Variants in MTMR3 observed in about 807,000 individuals in gnomAD.
MTMR3 encodes phosphatidylinositol-3,5-bisphosphate 3-phosphatase MTMR3.
In MTMR3, 32 loss-of-function variants were observed where a neutral mutation model predicts 132.4. The observed-to-expected ratio is 0.24, with a 90% CI of 0.18 to 0.32. The LOEUF (loss-of-function observed/expected upper bound fraction) is 0.32. Among genes scored for constraint, MTMR3 ranks in the 10% least tolerant of loss-of-function variants. The probability of loss-of-function intolerance (pLI) is 1.00; values close to 1 mark genes in which losing one functional copy is unlikely to be tolerated. For synonymous variants in MTMR3, 556 were observed against 550.3 expected, an observed-to-expected ratio of 1.01 and a Z score of -0.14; for missense variants, 1,216 against 1,489.6, an observed-to-expected ratio of 0.82 and a Z score of 3.02.
chr22:30,005,638 T>TA (rs1389122565), intron 9 of MTMR3: 7 of 152,202 alleles, frequency 4.6e-5, no homozygotes, highest in African/African-American at 9.7e-5. Context: ...CACAAGTACT[T>TA]ACAGCTACTT....
chr22:29,991,462 C>T, intron 6 of MTMR3, 42 bp from the exon 7 acceptor site: 1 of 1,533,940 alleles, frequency 6.5e-7, no homozygotes, highest in Non-Finnish European at 8.8e-7. Context: ...TTCATTTCAA[C>T]TGTCTTCTGA....
chr22:29,889,427 C>T (rs1386781520), intron 1 of MTMR3, among the ~76,000 whole-genome samples: 1 of 151,666 alleles, frequency 6.6e-6, no homozygotes, highest in Non-Finnish European at 1.5e-5. Context: ...GTTGGGATTA[C>T]AGGTACCTGC....
chr22:29,903,932 G>T (rs1193603027), intron 1 of MTMR3, among the ~76,000 whole-genome samples: 1 of 152,064 alleles, frequency 6.6e-6, no homozygotes, highest in Non-Finnish European at 1.5e-5. Flanking sequence ...TATTTTTGGT[G>T]AACAGGTATC....
intron 16 of MTMR3, chr22:30,018,916 T>C (rs1388308773): frequency 6.6e-6 from 1 of 150,460 alleles, no homozygotes; most frequent in African/African-American, 2.4e-5. Context: ...GGAAATAGCA[T>C]TTGCAGGCCG....
At chr22:29,954,059 C>CTTTTTTTTTTT (rs59781649) in intron 1 of MTMR3, among the ~76,000 whole-genome samples, 17 of 79,434 alleles carry the variant, frequency 2.1e-4, no homozygotes, top group Non-Finnish European at 2.4e-4. Flanking sequence ...TCAAATGAGT[C>CTTTTTTTTTTT]TTTTTTTTTT....
At chr22:29,972,702 C>G (rs1158001356) in intron 3 of MTMR3, among the ~76,000 whole-genome samples, 3 of 152,144 alleles carry the variant, frequency 2.0e-5, no homozygotes. Flanking sequence ...TCTCAAGTAG[C>G]TAGAATTACA....
At chr22:29,978,318 C>T in intron 3 of MTMR3, 124 bp from the exon 4 acceptor site, 1 of 639,688 alleles carries the variant, frequency 1.6e-6, no homozygotes, top group Non-Finnish European at 2.7e-6. Flanking sequence ...TTTCCTTGAG[C>T]TTTTCTGCCT....
chr22:30,027,298 C>G lies in MTMR3; in HGVS notation c.*1497C>G, dbSNP rs2067929409. ...TCTGGCCCTGCCCTGTATTCCTCTT[C>G]CCCTTGGTAGCAGTTCCCTGACCAA... is the stretch of plus-strand genomic sequence containing the variant. On this transcript the variant is annotated 3_prime_UTR_variant, in exon 20 of 20. Coordinates refer to ENST00000401950, the MANE Select transcript of MTMR3 (RefSeq NM_021090.4). The G allele has an allele frequency of 6.5e-6, 1 of 152,782 alleles. No individual in the cohort carries two copies. Among genetic ancestry groups the G allele is most frequent in the Non-Finnish European group, 1.5e-5 (1 of 68,074 alleles). 9.5% of individuals were successfully genotyped at this position (152,782 alleles called of 1,614,324 possible). A position where few individuals can be genotyped will look rare whatever the true frequency, so the allele number is the denominator to read the frequency against.
At position 30,025,804 on chromosome 22, in the gene MTMR3, C is replaced by T; in HGVS notation, c.*3C>T. ...CCATTGCTGCCACTTCCAACTGAAG[C>T]TCAGTGACCTGGGTGGGCAGTGGCC... On this transcript the variant is annotated 3_prime_UTR_variant, in exon 20 of 20. Transcript: ENST00000401950. 2 of 1,613,842 alleles carry T rather than the reference C, an allele frequency of 1.2e-6. No individual in the cohort carries two copies. Among genetic ancestry groups the T allele is most frequent in the Non-Finnish European group, 1.7e-6 (2 of 1,180,004 alleles).
At chr22:29,931,131 CTATT>C (rs1175048972) in intron 1 of MTMR3, among the ~76,000 whole-genome samples, 2 of 151,664 alleles carry the variant, frequency 1.3e-5, no homozygotes, top group Non-Finnish European at 2.9e-5. Context: ...CTTTATGTCA[CTATT>C]TAATAAGTAA....
At position 30,026,162 on chromosome 22, in the gene MTMR3, T is replaced by C; in HGVS notation, c.*361T>C. 1 of 238,240 alleles carries C rather than the reference T, an allele frequency of 4.2e-6. No homozygotes were observed. The highest frequency in any genetic ancestry group is 8.3e-6 in the Non-Finnish European group (1 of 120,784). The allele number at this position is 238,240 out of a possible 1,614,324, so 14.8% of individuals were successfully genotyped here. ...TTGTTTCTTCCGGGTGGGAGGATGG[T>C]GGTCAGAGCCAGGAGTATGGAGATC... On this transcript the variant is annotated 3_prime_UTR_variant, in exon 20 of 20. Transcript: ENST00000401950.
At chr22:29,975,150 G>GA (rs2066606477) in intron 3 of MTMR3, among the ~76,000 whole-genome samples, 1 of 152,192 alleles carries the variant, frequency 6.6e-6, no homozygotes, top group Non-Finnish European at 1.5e-5. Context: ...AAGCAGCTCT[G>GA]ATGGTTTCCA....
chr22:30,025,298 C>T (rs915779513), intron 19 of MTMR3: 1 of 291,070 alleles, frequency 3.4e-6, no homozygotes, highest in Non-Finnish European at 6.7e-6. Context: ...ACTGGGTTTT[C>T]CTGGATCAGG....
chr22:29,997,810 C>T (rs1320552255), intron 7 of MTMR3: 1 of 152,206 alleles, frequency 6.6e-6, no homozygotes, highest in African/African-American at 2.4e-5. Flanking sequence ...TCTGAGCTGA[C>T]ATGAGGCTAT....
intron 9 of MTMR3, chr22:30,005,979 A>G (rs1371227099): frequency 6.6e-6 from 1 of 152,354 alleles, no homozygotes; most frequent in East Asian, 1.9e-4. Context: ...GCAGAAATCT[A>G]CTTCCATCTT....
intron 1 of MTMR3, among the ~76,000 whole-genome samples, chr22:29,926,383 G>A (rs2065517865): frequency 6.6e-6 from 1 of 152,132 alleles, no homozygotes; most frequent in South Asian, 2.1e-4. Flanking sequence ...CACGTTTTCA[G>A]TTTTCTTGGG....
At chr22:29,954,264 T>A (rs2066145086) in intron 1 of MTMR3, among the ~76,000 whole-genome samples, 1 of 151,688 alleles carries the variant, frequency 6.6e-6, no homozygotes, top group Admixed American at 6.6e-5. Flanking sequence ...AAATTTTATT[T>A]TATTTTATTT....
intron 6 of MTMR3, 36 bp downstream of exon 6, chr22:29,988,598 G>T: frequency 6.7e-7 from 1 of 1,494,002 alleles, no homozygotes; most frequent in Non-Finnish European, 9.2e-7. Context: ...GCTGTTTAGT[G>T]TGGAAAATAT....
chr22:29,991,411 A>G (rs997312648), intron 6 of MTMR3, 93 bp from the exon 7 acceptor site: 6 of 1,280,710 alleles, frequency 4.7e-6, no homozygotes, highest in Admixed American at 2.5e-5. Flanking sequence ...TTCCCACTTC[A>G]CTACGAGTGG....
Sources: gnomAD v4.1 joint callset for allele counts (sites outside exome capture counted in the v4.1 genomes callset) on GRCh38, gnomAD v4.1.1 for gene constraint, MANE v1.5 for transcripts, NCBI Gene and HGNC (gene_info 2026-07-23, HGNC 2026-07-21) for gene names.